RGL1: variants seen among roughly 807,000 people sequenced by gnomAD.
RGL1 encodes the protein ral guanine nucleotide dissociation stimulator like 1.
A neutral mutation model predicts 95.2 loss-of-function variants in RGL1; 24 were observed. The observed-to-expected ratio is 0.25, with a 90% CI of 0.18 to 0.35. The LOEUF is 0.35. Ranked by LOEUF, RGL1 falls within the 10% of genes least tolerant of loss-of-function variation. The pLI, the probability that RGL1 is intolerant of heterozygous loss-of-function variation, is 1.00. For missense variants in RGL1, 715 were observed against 936.3 expected (o/e 0.76, Z 3.08); for synonymous variants, 329 against 344.9 (o/e 0.95, Z 0.51).
At chr1:183,797,194 T>C (rs1355220995) in intron 2 of RGL1, among the ~76,000 whole-genome samples, 1 of 152,154 alleles carries the variant, frequency 6.6e-6, no homozygotes, top group East Asian at 1.9e-4. Context: ...CCGGGCGTGG[T>C]GGTGGGCACA....
chr1:183,664,944 A>ATCCT (rs149277232), intron 1 of RGL1, among the ~76,000 whole-genome samples: 1,968 of 152,198 alleles, frequency 0.013, 49 homozygotes, highest in African/African-American at 0.046. Context: ...AGGAGGGGAC[A>ATCCT]TCCTTGCCTT....
chr1:183,742,329 ATT>A (rs766531056), intron 2 of RGL1: 2 of 1,612,494 alleles, frequency 1.2e-6, no homozygotes, highest in African/African-American at 1.3e-5. Context: ...GAAATGTTGG[ATT>A]TGTTTATACC....
intron 1 of RGL1, among the ~76,000 whole-genome samples, chr1:183,716,317 T>C (rs1306089705): frequency 6.6e-6 from 1 of 152,232 alleles, no homozygotes; most frequent in Non-Finnish European, 1.5e-5. Flanking sequence ...CTAACTGTTA[T>C]AACAAATAGA....
At chr1:183,723,931 G>T (rs1298354465) in intron 1 of RGL1, among the ~76,000 whole-genome samples, 1 of 151,994 alleles carries the variant, frequency 6.6e-6, no homozygotes, top group South Asian at 2.1e-4. Context: ...AGAGGGAAGA[G>T]TAAAGAGGAC....
chr1:183,822,992 C>G (rs1185979746), intron 2 of RGL1, among the ~76,000 whole-genome samples: 2 of 152,182 alleles, frequency 1.3e-5, no homozygotes, highest in Non-Finnish European at 2.9e-5. Flanking sequence ...CACTCAAATT[C>G]TAGCTCAAAT....
chr1:183,762,388 GGAGA>G (rs1415190883), intron 2 of RGL1, among the ~76,000 whole-genome samples: 2 of 152,186 alleles, frequency 1.3e-5, no homozygotes, highest in Non-Finnish European at 2.9e-5. Flanking sequence ...ATGAGGAGAG[GGAGA>G]GAGACAAGGG....
chr1:183,707,838 G>C (rs1404470859), intron 1 of RGL1, among the ~76,000 whole-genome samples: 1 of 151,874 alleles, frequency 6.6e-6, no homozygotes, highest in Non-Finnish European at 1.5e-5. Context: ...GGCTGGGAGA[G>C]GTAGACAGCA....
intron 2 of RGL1, among the ~76,000 whole-genome samples, chr1:183,784,590 A>G (rs1458980001): frequency 1.3e-5 from 2 of 152,180 alleles, no homozygotes; most frequent in African/African-American, 4.8e-5. Context: ...CCTTCTGCTT[A>G]AGGTTATGAC....
chr1:183,668,934 T>A (rs1223097719), intron 1 of RGL1, among the ~76,000 whole-genome samples: 1 of 131,018 alleles, frequency 7.6e-6, no homozygotes, highest in African/African-American at 2.8e-5. Flanking sequence ...TATTGGACTT[T>A]CTTTTCTTTT....
rs919850354 is a variant in RGL1 at position 183,858,506 on chromosome 1, C to T, written c.348-7490C>T. ...TCCTAGCTTTATTATAACTGGAACA[C>T]AGACCTTAAGTGTGGCTCTGAAAAG... is the stretch of plus-strand genomic sequence containing the variant. On this transcript the variant is annotated intron_variant, in intron 3 of 17. Coordinates refer to ENST00000360851, the MANE Select transcript of RGL1 (RefSeq NM_001297671.3). Among the ~76,000 whole-genome samples the T allele has an allele frequency of 3.3e-5, 5 of 152,244 alleles. 1 individual carries two copies. The highest frequency in any genetic ancestry group is 2.1e-4 in the South Asian group (1 of 4,832).
intron 4 of RGL1, among the ~76,000 whole-genome samples, chr1:183,877,107 C>T (rs1402482484): frequency 6.6e-6 from 1 of 152,138 alleles, no homozygotes; most frequent in African/African-American, 2.4e-5. Context: ...TCCTTAGTTC[C>T]CCGGTGGGAC....
chr1:183,647,425 C>T (rs1650369203), intron 1 of RGL1: 2 of 346,848 alleles, frequency 5.8e-6, no homozygotes, highest in African/African-American at 2.1e-5. Context: ...TAGCAAGCTG[C>T]TAATGGTTCC....
Position 183,870,276 on chromosome 1 carries a change from G to A in RGL1, c.425+4203G>A, listed in dbSNP as rs140099515. ...GACGGCCTCTTTCTCGGTCTTCAGG[G>A]GTATGTGTCTTCCGGCCAGGGTAGG... On this transcript the variant is annotated intron_variant, in intron 4 of 17. Coordinates refer to ENST00000360851, the MANE Select transcript of RGL1 (RefSeq NM_001297671.3). 1.8e-3 allele frequency among the ~76,000 whole-genome samples: 281 copies of A among 152,112 alleles called. 1 individual carries two copies. Among genetic ancestry groups the A allele is most frequent in the African/African-American group, 6.6e-3 (273 of 41,516 alleles).
intron 1 of RGL1, among the ~76,000 whole-genome samples, chr1:183,687,625 A>G (rs1207944398): frequency 6.6e-6 from 1 of 152,160 alleles, no homozygotes; most frequent in Admixed American, 6.5e-5. Context: ...AGCAAGGCTC[A>G]ACAAATGACT....
intron 1 of RGL1, among the ~76,000 whole-genome samples, chr1:183,739,938 G>A (rs1370001004): frequency 6.6e-6 from 1 of 152,166 alleles, no homozygotes; most frequent in African/African-American, 2.4e-5. Context: ...AACATGTTAC[G>A]CTTACGGATG....
chr1:183,730,496 A>G (rs1270485162), intron 1 of RGL1, among the ~76,000 whole-genome samples: 1 of 152,150 alleles, frequency 6.6e-6, no homozygotes, highest in Non-Finnish European at 1.5e-5. Context: ...AGGGACTCTT[A>G]TATTTAAAAT....
At chr1:183,752,092 G>T (rs956291992) in intron 2 of RGL1, among the ~76,000 whole-genome samples, 3 of 152,066 alleles carry the variant, frequency 2.0e-5, no homozygotes, top group Non-Finnish European at 4.4e-5. Flanking sequence ...ATTTTGAGTT[G>T]ATATGTGCAA....
intron 1 of RGL1, among the ~76,000 whole-genome samples, chr1:183,698,658 A>G (rs1462921459): frequency 6.6e-6 from 1 of 152,224 alleles, no homozygotes; most frequent in Non-Finnish European, 1.5e-5. Context: ...TAAAGACAGC[A>G]CTCTAATATA....
At chr1:183,846,027 A>G (rs999419537) in intron 2 of RGL1, among the ~76,000 whole-genome samples, 2 of 152,310 alleles carry the variant, frequency 1.3e-5, no homozygotes, top group Non-Finnish European at 2.9e-5. Flanking sequence ...CTTTGTCCCA[A>G]CAATCCCATT....
Sources: gnomAD v4.1 joint callset for allele counts (sites outside exome capture counted in the v4.1 genomes callset) on GRCh38, gnomAD v4.1.1 for gene constraint, MANE v1.5 for transcripts, NCBI Gene and HGNC (gene_info 2026-07-23, HGNC 2026-07-21) for gene names.